Variants in DPYD observed in about 807,000 individuals in gnomAD.
DPYD encodes the protein dihydropyrimidine dehydrogenase.
A neutral mutation model predicts 116.2 loss-of-function variants in DPYD; 109 were observed. The ratio of observed to expected loss-of-function variants is 0.94; its 90% CI spans 0.80 to 1.10. DPYD has a LOEUF of 1.10. Among genes scored for constraint, DPYD ranks in the 50% least tolerant of loss-of-function variants. The probability of loss-of-function intolerance (pLI) is 0.00; values close to 1 mark genes in which losing one functional copy is unlikely to be tolerated. For synonymous variants in DPYD, 440 were observed against 432.0 expected (o/e 1.02, Z -0.23); for missense variants, 1,302 against 1,254.5 (o/e 1.04, Z -0.57).
chr1:97,654,478 C>A (rs1658782961), intron 8 of DPYD, among the ~76,000 whole-genome samples: 1 of 151,996 alleles, frequency 6.6e-6, no homozygotes, highest in Admixed American at 6.6e-5. Context: ...CTTTAATATT[C>A]ATAAAAGTTC....
At chr1:97,881,576 T>C (rs1395996147) in intron 2 of DPYD, among the ~76,000 whole-genome samples, 1 of 152,194 alleles carries the variant, frequency 6.6e-6, no homozygotes, top group South Asian at 2.1e-4. Flanking sequence ...TTGGTTATTA[T>C]TTTTAAAATG....
intron 1 of DPYD, among the ~76,000 whole-genome samples, chr1:97,890,404 G>T (rs1237733993): frequency 2.0e-5 from 3 of 151,756 alleles, no homozygotes; most frequent in Non-Finnish European, 4.4e-5. Flanking sequence ...ATTATTTTTA[G>T]TAACTCCTAA....
intron 4 of DPYD, among the ~76,000 whole-genome samples, chr1:97,727,267 T>C (rs542421980): frequency 2.6e-5 from 4 of 151,812 alleles, no homozygotes; most frequent in African/African-American, 7.2e-5. Context: ...TCATTCTTGA[T>C]TGATATGAGT....
At chr1:97,736,850 TTGTGTGTGTGTG>T (rs71590232) in intron 4 of DPYD, among the ~76,000 whole-genome samples, 1,963 of 142,102 alleles carry the variant, frequency 0.014, 21 homozygotes, top group Middle Eastern at 0.024. Flanking sequence ...GTGTGTGCAT[TTGTGTGTGTGTG>T]TGTGTGTGTG....
intron 2 of DPYD, among the ~76,000 whole-genome samples, chr1:97,840,476 T>G (rs1453638221): frequency 6.6e-6 from 1 of 152,156 alleles, no homozygotes; most frequent in African/African-American, 2.4e-5. Context: ...TTTCTGGGAT[T>G]AAAGGATGAA....
chr1:97,402,731 A>AT (rs1223735371), intron 14 of DPYD, among the ~76,000 whole-genome samples: 1 of 152,036 alleles, frequency 6.6e-6, no homozygotes, highest in Non-Finnish European at 1.5e-5. Context: ...ATTAAATGTG[A>AT]TATTAGCTGA....
At chr1:97,196,609 T>G (rs1415078523) in intron 19 of DPYD, among the ~76,000 whole-genome samples, 1 of 152,158 alleles carries the variant, frequency 6.6e-6, no homozygotes, top group Non-Finnish European at 1.5e-5. Context: ...GGCACTTTGT[T>G]AGCACTTTTA....
At chr1:97,373,240 C>T (rs187551135) in intron 16 of DPYD, among the ~76,000 whole-genome samples, 2 of 152,258 alleles carry the variant, frequency 1.3e-5, no homozygotes, top group African/African-American at 4.8e-5. Context: ...GAAACTGGAT[C>T]GGCATCAGGA....
Position 97,532,212 on chromosome 1 carries a change from A to G in DPYD, c.1525-16271T>C, listed in dbSNP as rs1425917069. 2.6e-5 allele frequency among the ~76,000 whole-genome samples: 4 copies of G among 152,186 alleles called. No homozygotes were observed. The East Asian group carries it at 7.7e-4, about 29-fold the overall frequency. ...TGAACCATCTTTGCATCCTAGGAAT[A>G]AGTCTTGCTTTATAGAGATTTATAG... is the stretch of plus-strand genomic sequence containing the variant. On this transcript the variant is annotated intron_variant, in intron 12 of 22. Transcript: ENST00000370192.
intron 19 of DPYD, among the ~76,000 whole-genome samples, chr1:97,222,508 C>A (rs1660842168): frequency 6.6e-6 from 1 of 151,984 alleles, no homozygotes; most frequent in African/African-American, 2.4e-5. Context: ...AATAAGTTTC[C>A]ATTTAATTTA....
At chr1:97,236,429 G>A (rs1055319443) in intron 18 of DPYD, among the ~76,000 whole-genome samples, 1 of 151,730 alleles carries the variant, frequency 6.6e-6, no homozygotes, top group Admixed American at 6.6e-5. Context: ...AATTAAATAA[G>A]AAAAGAAACA....
intron 4 of DPYD, among the ~76,000 whole-genome samples, chr1:97,731,943 T>C (rs970840469): frequency 2.0e-5 from 3 of 152,074 alleles, no homozygotes; most frequent in Non-Finnish European, 4.4e-5. Flanking sequence ...TATGTTTAAA[T>C]TTGTCTATAC....
intron 14 of DPYD, chr1:97,419,876 T>C (rs1420665306): frequency 6.6e-6 from 1 of 152,212 alleles, no homozygotes; most frequent in Non-Finnish European, 1.5e-5. Context: ...ATGTACAAAT[T>C]TATAATCCTA....
At chr1:97,389,940 G>C (rs563811966) in intron 14 of DPYD, among the ~76,000 whole-genome samples, 1 of 150,182 alleles carries the variant, frequency 6.7e-6, no homozygotes, top group Non-Finnish European at 1.5e-5. Flanking sequence ...CAAATTTAAT[G>C]GTCAACTTTT....
chr1:97,374,312 T>A (rs1356208108), intron 15 of DPYD, among the ~76,000 whole-genome samples: 2 of 152,210 alleles, frequency 1.3e-5, no homozygotes, highest in African/African-American at 4.8e-5. Flanking sequence ...TACAAATAGA[T>A]CTTGTATAAA....
chr1:97,419,298 ATAAT>A (rs1674451093), intron 14 of DPYD, among the ~76,000 whole-genome samples: 1 of 152,190 alleles, frequency 6.6e-6, no homozygotes, highest in Non-Finnish European at 1.5e-5. Flanking sequence ...TGCTACTTGA[ATAAT>A]CACCATCTCT....
intron 2 of DPYD, among the ~76,000 whole-genome samples, chr1:97,858,017 A>T (rs1670933468): frequency 6.6e-6 from 1 of 151,912 alleles, no homozygotes; most frequent in Non-Finnish European, 1.5e-5. Flanking sequence ...AGGAAAAACA[A>T]ATGTTGGTTT....
At chr1:97,243,062 A>G (rs1420588194) in intron 18 of DPYD, among the ~76,000 whole-genome samples, 1 of 151,872 alleles carries the variant, frequency 6.6e-6, no homozygotes, top group Non-Finnish European at 1.5e-5. Flanking sequence ...AAGCAGCTAC[A>G]ATGGAACTTC....
At chr1:97,893,457 T>TATATATATATAC in intron 1 of DPYD, among the ~76,000 whole-genome samples, 1 of 143,938 alleles carries the variant, frequency 6.9e-6, no homozygotes, top group Admixed American at 7.0e-5. Flanking sequence ...TATATATATA[T>TATATATATATAC]ATATAGCAAT....
Sources: gnomAD v4.1 joint callset for allele counts (sites outside exome capture counted in the v4.1 genomes callset) on GRCh38, gnomAD v4.1.1 for gene constraint, MANE v1.5 for transcripts, NCBI Gene and HGNC (gene_info 2026-07-23, HGNC 2026-07-21) for gene names.